HEPH: variants seen among roughly 807,000 people sequenced by gnomAD.
HEPH encodes the protein hephaestin.
HEPH carries 69 observed loss-of-function variants against 80.8 expected under a neutral mutation model. The observed-to-expected ratio is 0.85, with a 90% confidence interval of 0.70 to 1.04. The LOEUF is 1.04. Among genes scored for constraint, HEPH ranks in the 50% least tolerant of loss-of-function variants. The pLI, the probability that HEPH is intolerant of heterozygous loss-of-function variation, is 0.00. For missense variants in HEPH, 1,115 were observed against 891.3 expected, an observed-to-expected ratio of 1.25 and a Z score of -3.20; for synonymous variants, 431 against 322.8, an observed-to-expected ratio of 1.34 and a Z score of -3.60.
chrX:66,265,277 G>A (rs936319230), intron 20 of HEPH, among the ~76,000 whole-genome samples: 2 of 110,690 alleles, frequency 1.8e-5, no homozygotes, highest in Non-Finnish European at 3.8e-5. Context: ...AGACATAGCC[G>A]CTATTTTTCA....
chrX:66,192,344 G>C, intron 7 of HEPH, 46 bp downstream of exon 7: 2 of 1,062,207 alleles, frequency 1.9e-6, no homozygotes, highest in Non-Finnish European at 1.3e-6. Context: ...AATTGGTCCA[G>C]CTCCAAACAT....
chrX:66,168,796 G>A (rs1190890334), intron 1 of HEPH, among the ~76,000 whole-genome samples: 1 of 111,598 alleles, frequency 9.0e-6, no homozygotes, highest in Non-Finnish European at 1.9e-5. Context: ...TGGACATGGT[G>A]CTACTATGTA....
intron 15 of HEPH, among the ~76,000 whole-genome samples, chrX:66,208,629 T>TAC (rs1223027285): frequency 4.2e-4 from 17 of 40,248 alleles, no homozygotes; most frequent in African/African-American, 1.6e-3. Flanking sequence ...AATATATACA[T>TAC]ACATATATAT....
intron 15 of HEPH, among the ~76,000 whole-genome samples, chrX:66,231,804 C>T (rs1326149599): frequency 1.9e-5 from 2 of 106,393 alleles, no homozygotes; most frequent in Non-Finnish European, 3.9e-5. Flanking sequence ...GCCAGAACTT[C>T]CAACACTATG....
At chrX:66,260,018 C>T in intron 18 of HEPH, 82 bp from the exon 19 acceptor site, 2 of 878,000 alleles carry the variant, frequency 2.3e-6, no homozygotes, top group Non-Finnish European at 3.3e-6. Context: ...ATGTGGACAT[C>T]ACAATTTTTT....
chrX:66,245,191 G>T (rs1312132747), intron 15 of HEPH, among the ~76,000 whole-genome samples: 1 of 111,089 alleles, frequency 9.0e-6, no homozygotes, highest in African/African-American at 3.3e-5. Flanking sequence ...TGGCAAATTG[G>T]ATAAAGAGTC....
chrX:66,264,016 A>C (rs144402166), intron 20 of HEPH, among the ~76,000 whole-genome samples: 3,341 of 110,545 alleles, frequency 0.03, 125 homozygotes, highest in African/African-American at 0.11. Context: ...CAAATACTGC[A>C]TGTTCTCACT....
At chrX:66,197,195 T>C (rs765751753) in intron 9 of HEPH, among the ~76,000 whole-genome samples, 3 of 110,064 alleles carry the variant, frequency 2.7e-5, no homozygotes, top group East Asian at 5.6e-4. Flanking sequence ...TATATATGTA[T>C]ATATATACAT....
intron 20 of HEPH, among the ~76,000 whole-genome samples, chrX:66,264,317 G>A (rs1443146606): frequency 9.5e-6 from 1 of 105,800 alleles, no homozygotes; most frequent in South Asian, 4.1e-4. Flanking sequence ...GGTCCTGCTG[G>A]GTTGGACATG....
At chrX:66,254,264 A>G (rs1472858933) in intron 15 of HEPH, among the ~76,000 whole-genome samples, 2 of 111,227 alleles carry the variant, frequency 1.8e-5, no homozygotes, top group African/African-American at 6.5e-5. Context: ...AAAGGAGAAG[A>G]GGATGGTTCT....
chrX:66,174,836 T>G (rs768054553), intron 4 of HEPH, among the ~76,000 whole-genome samples: 2 of 112,053 alleles, frequency 1.8e-5, no homozygotes, highest in Non-Finnish European at 3.8e-5. Flanking sequence ...TGTCTATTCA[T>G]GTTCTTAGCC....
Position 66,189,767 on chromosome X carries a change from G to C in HEPH, c.892G>C (p.Gly298Arg). The C allele has an allele frequency of 8.3e-7, 1 of 1,211,109 alleles. No homozygotes were observed. Among genetic ancestry groups the C allele is most frequent in the Non-Finnish European group, 1.1e-6 (1 of 895,285 alleles). ...TGTGGCCTGGCACTTGTTTGGCATG[G>C]GCAATGAAATTGATGTCCACACAGC... ...KRVAWHLFGM[G>R]NEIDVHTAFF... Residue 298 changes from glycine (G) to arginine (R), a missense_variant, in exon 6 of 21, where the codon GGC becomes CGC. Around this residue, in one of 3 missense-constraint regions of HEPH, gnomAD observed 391 missense variants for 343.6 expected, o/e 1.14. Transcript: ENST00000343002.
chrX:66,246,477 G>A (rs2090812042), intron 15 of HEPH, among the ~76,000 whole-genome samples: 1 of 111,244 alleles, frequency 9.0e-6, no homozygotes, highest in African/African-American at 3.3e-5. Context: ...GGGCTGTGGT[G>A]TCAGTGCTGG....
At chrX:66,167,300 G>T (rs756399484) in intron 1 of HEPH, among the ~76,000 whole-genome samples, 13 of 112,056 alleles carry the variant, frequency 1.2e-4, no homozygotes, top group Non-Finnish European at 2.4e-4. Flanking sequence ...GGGTATGTTA[G>T]GTGGCATTTC....
intron 13 of HEPH, among the ~76,000 whole-genome samples, chrX:66,204,886 C>T (rs1484377394): frequency 1.8e-5 from 2 of 111,542 alleles, no homozygotes; most frequent in Non-Finnish European, 3.8e-5. Context: ...TGCTAGCATT[C>T]AGGTAGGGCC....
intron 1 of HEPH, among the ~76,000 whole-genome samples, chrX:66,169,053 T>G (rs987970723): frequency 9.0e-6 from 1 of 111,284 alleles, no homozygotes. Flanking sequence ...GCATGGTGAT[T>G]ATGCTGGAGC....
intron 15 of HEPH, among the ~76,000 whole-genome samples, chrX:66,230,373 C>T (rs2090076751): frequency 9.7e-6 from 1 of 103,481 alleles, no homozygotes; most frequent in Admixed American, 1.0e-4. Flanking sequence ...AATGGTTGAA[C>T]TAGTTTACAG....
chrX:66,204,794 C>T (rs192676113), intron 13 of HEPH, among the ~76,000 whole-genome samples: 1 of 111,864 alleles, frequency 8.9e-6, no homozygotes, highest in East Asian at 2.8e-4. Flanking sequence ...CAGTGAGATA[C>T]TTCTAACAAG....
intron 15 of HEPH, among the ~76,000 whole-genome samples, chrX:66,245,030 C>G (rs762030702): frequency 9.1e-6 from 1 of 110,353 alleles, no homozygotes. Context: ...AACTGAGGAC[C>G]AATTGTAAAG....
Sources: allele counts gnomAD v4.1 joint callset (sites outside exome capture counted in the v4.1 genomes callset), GRCh38; gene constraint gnomAD v4.1.1; regional missense constraint gnomAD v4.1.1; transcripts MANE v1.5; gene names NCBI Gene and HGNC (gene_info 2026-07-23, HGNC 2026-07-21).